The following MCOLN1 variants were observed in gnomAD, a reference collection of about 807,000 sequenced individuals.
MCOLN1 encodes mucolipin TRP cation channel 1.
MCOLN1 carries 50 observed loss-of-function variants against 70.3 expected under a neutral mutation model. The ratio of observed to expected loss-of-function variants is 0.71; its 90% confidence interval spans 0.57 to 0.90. MCOLN1 has a LOEUF of 0.90. MCOLN1 is among the 40% of genes least tolerant of loss of function. The pLI is 0.00. For missense variants in MCOLN1, 598 were observed against 803.5 expected (o/e 0.74, Z 3.09); for synonymous variants, 366 against 341.0 (o/e 1.07, Z -0.81).
chr19:7,529,122 T>A lies in MCOLN1; in HGVS notation c.1156T>A (p.Cys386Ser), dbSNP rs775016540. The stretch of plus-strand genomic sequence containing the variant: ...GCAGAACTTGGCGAGCTACGACGTC[T>A]GCAGCATCCTCCTGGGCACCTCGAC... ...EAKNLASYDVCSILLGTSTLL... is the reference protein window; with the variant it reads ...EAKNLASYDVSSILLGTSTLL... The change falls in exon 10 of 14, where the codon TGC becomes AGC. Residue 386 changes from cysteine to serine, a missense_variant. Around this residue, in one of 3 missense-constraint regions of MCOLN1, gnomAD observed 461 missense variants for 588.4 expected, o/e 0.78. Coordinates refer to ENST00000264079, the MANE Select transcript of MCOLN1 (RefSeq NM_020533.3). 1 of 1,613,956 alleles carries A rather than the reference T, an allele frequency of 6.2e-7. No individual in the cohort carries two copies. The highest frequency in any genetic ancestry group is 8.5e-7 in the Non-Finnish European group (1 of 1,180,024).
At chr19:7,527,113 C>T in intron 4 of MCOLN1, 187 bp downstream of exon 4, 1 of 731,194 alleles carries the variant, frequency 1.4e-6, no homozygotes, top group Non-Finnish European at 2.3e-6. Context: ...TGTCTCTACG[C>T]ACAAACAAAT....
In MCOLN1 at chr19:7,528,889, C is replaced by G. The variant is rs566285864; in HGVS notation, c.1053C>G (p.Val351=). The change falls in exon 9 of 14, where the codon GTC becomes GTG. Residue 351 remains valine, a synonymous_variant. Transcript: ENST00000264079. This position sits in a 1 kb window ranked among gnomAD's most constrained non-coding sequence, Gnocchi z 4.2. Reference sequence around the variant, plus strand: ...GCCTGTGGGAGCGGCTGGAATTTGTCAATGGCTGGTACATCCTGCTCGTCA... The same window carrying G: ...GCCTGTGGGAGCGGCTGGAATTTGTGAATGGCTGGTACATCCTGCTCGTCA... ...VISLWERLEF[V]NGWYILLVTS... is the part of the protein sequence containing the mutation. The G allele has an allele frequency of 3.7e-6, 6 of 1,614,052 alleles. No individual in the cohort carries two copies. The African/African-American group carries it at 5.3e-5, about 14-fold the overall frequency.
chr19:7,526,659 A>G lies in MCOLN1; in HGVS notation c.405+53A>G, dbSNP rs1360268521. The G allele has an allele frequency of 1.6e-6, 2 of 1,256,994 alleles. No homozygotes were observed. The highest frequency in any genetic ancestry group is 2.1e-6 in the Non-Finnish European group (2 of 930,826). 77.9% of individuals were successfully genotyped at this position (1,256,994 alleles called of 1,614,324 possible). ...GGCAGGCAGGTGCAGGTGGGCGGGC[A>G]GGTGCAGTTGGGCGGGCAGGTGCTG... On this transcript the variant is annotated intron_variant, in intron 3 of 13. Coordinates refer to ENST00000264079, the MANE Select transcript of MCOLN1 (RefSeq NM_020533.3). This position sits in a 1 kb window ranked among gnomAD's most constrained non-coding sequence, Gnocchi z 4.6.
chr19:7,525,106 G>A lies in MCOLN1; in HGVS notation c.177G>A (p.Lys59=), dbSNP rs146187044. The A allele has an allele frequency of 1.5e-4, 237 of 1,614,052 alleles. No homozygotes were observed. Among genetic ancestry groups the A allele is most frequent in the Non-Finnish European group, 1.8e-4 (214 of 1,180,044 alleles). Residue 59 remains lysine (K), a synonymous_variant, in exon 2 of 14, where the codon AAG becomes AAA. Coordinates refer to ENST00000264079, the MANE Select transcript of MCOLN1 (RefSeq NM_020533.3). The surrounding 1 kb of genome is among the most constrained non-coding windows in gnomAD (Gnocchi z 4.2). ...FMSPCDKFRA[K]GRKPCKLMLQ... is the part of the protein sequence containing the mutation. ...GTCCCTGCGACAAGTTTCGAGCCAA[G>A]GGCCGCAAGCCCTGCAAGCTGATGC...
chr19:7,525,194 C>G lies in MCOLN1; in HGVS notation c.237+28C>G. 6.2e-7 allele frequency: 1 copy of G among 1,601,954 alleles called. No homozygotes were observed. The highest frequency in any genetic ancestry group is 8.5e-7 in the Non-Finnish European group (1 of 1,169,656). On this transcript the variant is annotated intron_variant, in intron 2 of 13. Coordinates refer to ENST00000264079, the MANE Select transcript of MCOLN1 (RefSeq NM_020533.3). This position sits in a 1 kb window ranked among gnomAD's most constrained non-coding sequence, Gnocchi z 4.2. ...GAGGCCAGCCAAGCAGGGGCCCCAG[C>G]TGAAGGCCACCTGTGGCTGCTGTGC...
chr19:7,529,569 GCTCCCTCTGCCC>G lies in MCOLN1; in HGVS notation c.1237-19_1237-8del. ...GAGTTGTGGCCACACCCTCAACGAG[GCTCCCTCTGCCC>G]CAACCCAGATCCTCATCGCCACACT... On this transcript the variant is annotated splice_polypyrimidine_tract_variant and intron_variant, in intron 10 of 13. Coordinates refer to ENST00000264079, the MANE Select transcript of MCOLN1 (RefSeq NM_020533.3). The G allele has an allele frequency of 6.3e-7, 1 of 1,576,456 alleles. No individual in the cohort carries two copies. Among genetic ancestry groups the G allele is most frequent in the Non-Finnish European group, 8.6e-7 (1 of 1,158,074 alleles).
intron 12 of MCOLN1, among the ~76,000 whole-genome samples, chr19:7,532,476 G>C (rs928958069): frequency 6.6e-6 from 1 of 151,878 alleles, no homozygotes; most frequent in Non-Finnish European, 1.5e-5. Flanking sequence ...GGGAGGCCGA[G>C]GGGGGGTGGG....
chr19:7,527,673 C>T (rs1175775120), intron 5 of MCOLN1, 45 bp downstream of exon 5: 1 of 1,333,948 alleles, frequency 7.5e-7, no homozygotes, highest in Non-Finnish European at 1.1e-6. Context: ...GGGGAGGCAG[C>T]ACACTAGGCA....
rs1212615952 is a variant in MCOLN1, at chr19:7,523,919, T to C, written c.32-1042T>C. On this transcript the variant is annotated intron_variant, in intron 1 of 13. Coordinates refer to ENST00000264079, the MANE Select transcript of MCOLN1 (RefSeq NM_020533.3). ...TGTAGTGCAGTGGCATAATCCTAGC[T>C]CATTGTAACATCGAACTCCTGGGCT... Among the ~76,000 whole-genome samples, 6 of 151,884 alleles carry C rather than the reference T, an allele frequency of 4.0e-5. 1 individual carries two copies. The South Asian group carries it at 1.0e-3, about 26-fold the overall frequency.
chr19:7,523,499 C>T (rs971037605), intron 1 of MCOLN1, among the ~76,000 whole-genome samples: 18 of 152,246 alleles, frequency 1.2e-4, no homozygotes, highest in African/African-American at 3.9e-4. Flanking sequence ...ACAGCAGCAT[C>T]TCATTGCAAA....
At chr19:7,529,505 C>CCCCCCCCCCCCCCCCCCCCT in intron 10 of MCOLN1, 85 bp from the exon 11 acceptor site, 11 of 755,720 alleles carry the variant, frequency 1.5e-5, no homozygotes, top group Non-Finnish European at 2.5e-5. Context: ...GGCAAGGCCC[C>CCCCCCCCCCCCCCCCCCCCT]GCCCCTCCCA....
Position 7,528,843 on chromosome 19 carries a change from G to A in MCOLN1, c.1007G>A (p.Arg336Gln), listed in dbSNP as rs569055134. Residue 336 changes from arginine (R) to glutamine (Q), a missense_variant, in exon 9 of 14, where the codon CGG becomes CAG. This residue lies in a region of MCOLN1 where 461 missense variants were observed against 588.4 expected (regional missense o/e 0.78). Coordinates refer to ENST00000264079, the MANE Select transcript of MCOLN1 (RefSeq NM_020533.3). This position sits in a 1 kb window ranked among gnomAD's most constrained non-coding sequence, Gnocchi z 4.2. ...CAGGAGTTTGTGGGGTTCATGTGGC[G>A]GCAGCGGGGACGGGTCATCAGCCTG... The part of the protein sequence containing the change: ...LQNEFVGFMW[R>Q]QRGRVISLWE... 27 of 1,614,224 alleles carry A rather than the reference G, an allele frequency of 1.7e-5. No individual in the cohort carries two copies. The highest frequency in any genetic ancestry group is 3.3e-4 in the Middle Eastern group (2 of 6,062).
intron 11 of MCOLN1, among the ~76,000 whole-genome samples, chr19:7,529,999 A>G (rs1167266274): frequency 6.6e-6 from 1 of 150,996 alleles, no homozygotes; most frequent in Non-Finnish European, 1.5e-5. Flanking sequence ...CCAGCCTGGG[A>G]CCTGGCCATT....
In MCOLN1 at chr19:7,525,323, C is replaced by A; in HGVS notation, c.237+157C>A. On this transcript the variant is annotated intron_variant, in intron 2 of 13. Transcript: ENST00000264079. The surrounding 1 kb of genome is among the most constrained non-coding windows in gnomAD (Gnocchi z 4.2). ...TCTGGCCAGCATGGTGAAACCCCATCTCTACTAAAAATACAAAAAAATTAG... is the reference window on the plus strand; with the variant it reads ...TCTGGCCAGCATGGTGAAACCCCATATCTACTAAAAATACAAAAAAATTAG... 1 of 710,936 alleles carries A rather than the reference C, an allele frequency of 1.4e-6. No homozygotes were observed. The allele number at this position is 710,936 out of a possible 1,614,324, so 44.0% of individuals were successfully genotyped here.
chr19:7,528,387 A>G lies in MCOLN1; in HGVS notation c.877+130A>G. ...AATCCGCTGAGCCTCAGATCAGCAC[A>G]GACCAGGGACCCCGTCCTGTGCTGA... On this transcript the variant is annotated intron_variant, in intron 7 of 13. Coordinates refer to ENST00000264079, the MANE Select transcript of MCOLN1 (RefSeq NM_020533.3). This position sits in a 1 kb window ranked among gnomAD's most constrained non-coding sequence, Gnocchi z 4.2. 1 of 1,027,638 alleles carries G rather than the reference A, an allele frequency of 9.7e-7. No individual in the cohort carries two copies. Among genetic ancestry groups the G allele is most frequent in the Middle Eastern group, 3.0e-4 (1 of 3,374 alleles). 63.7% of individuals were successfully genotyped at this position (1,027,638 alleles called of 1,614,324 possible). A position where few individuals can be genotyped will look rare whatever the true frequency, so the allele number is the denominator to read the frequency against.
At chr19:7,529,401 A>T (rs957512322) in intron 10 of MCOLN1, among the ~76,000 whole-genome samples, 189 bp from the exon 11 acceptor site, 1 of 152,080 alleles carries the variant, frequency 6.6e-6, no homozygotes, top group Non-Finnish European at 1.5e-5. Context: ...CACCCAGCTG[A>T]GTCTAGCCGT....
rs557832193 is a variant in MCOLN1 at position 7,524,071 on chromosome 19, A to G, written c.32-890A>G. Among the ~76,000 whole-genome samples the G allele has an allele frequency of 2.0e-5, 3 of 152,048 alleles. 1 individual carries two copies. The South Asian group carries it at 6.2e-4, about 32-fold the overall frequency. ...TTTGTAGACAGGGAGGTCTCGCTGT[A>G]TTACCTAGGCTGGATCCTCCCACCT... On this transcript the variant is annotated intron_variant, in intron 1 of 13. Coordinates refer to ENST00000264079, the MANE Select transcript of MCOLN1 (RefSeq NM_020533.3). The surrounding 1 kb of genome is among the most constrained non-coding windows in gnomAD (Gnocchi z 4.1).
intron 10 of MCOLN1, 42 bp downstream of exon 10, chr19:7,529,244 C>A: frequency 6.6e-7 from 1 of 1,524,724 alleles, no homozygotes; most frequent in South Asian, 1.1e-5. Flanking sequence ...CATGGTTACT[C>A]CACACCCTCC....
In MCOLN1 at chr19:7,526,729, G is replaced by T; in HGVS notation, c.406-32G>T. 5.0e-6 allele frequency: 8 copies of T among 1,611,838 alleles called. No individual in the cohort carries two copies. The highest frequency in any genetic ancestry group is 6.8e-6 in the Non-Finnish European group (8 of 1,179,916). The stretch of plus-strand genomic sequence containing the variant: ...TGGGTGGGCTGCAGAGAGCGGGCCG[G>T]ACTCACAGGCCCTCCCCTTCTCTGC... On this transcript the variant is annotated intron_variant, in intron 3 of 13. Coordinates refer to ENST00000264079, the MANE Select transcript of MCOLN1 (RefSeq NM_020533.3). The surrounding 1 kb of genome is among the most constrained non-coding windows in gnomAD (Gnocchi z 4.6).
Sources: allele counts gnomAD v4.1 joint callset (sites outside exome capture counted in the v4.1 genomes callset), GRCh38; gene constraint gnomAD v4.1.1; regional missense constraint gnomAD v4.1.1; non-coding constraint Gnocchi (gnomAD v3.1); transcripts MANE v1.5; gene names NCBI Gene and HGNC (gene_info 2026-07-23, HGNC 2026-07-21).